Variants in BICD1 observed in about 807,000 individuals in gnomAD.
The protein encoded by BICD1 is BICD cargo adaptor 1.
Under a neutral mutation model 92.5 loss-of-function variants are expected in BICD1, and 35 were observed. That is an observed-to-expected ratio of 0.38 (90% CI 0.29 to 0.50). The LOEUF is 0.50. BICD1 is among the 20% of genes least tolerant of loss of function. The pLI, the probability that BICD1 is intolerant of heterozygous loss-of-function variation, is 0.93. For missense variants in BICD1, 950 were observed against 1,189.8 expected, an observed-to-expected ratio of 0.80 and a Z score of 2.97; for synonymous variants, 429 against 465.1, an observed-to-expected ratio of 0.92 and a Z score of 1.00.
intron 2 of BICD1, among the ~76,000 whole-genome samples, chr12:32,285,827 A>G (rs1181261272): frequency 6.6e-6 from 1 of 152,188 alleles, no homozygotes; most frequent in Non-Finnish European, 1.5e-5. Flanking sequence ...GCTCAGCGCC[A>G]TCTTATCCCA....
intron 1 of BICD1, among the ~76,000 whole-genome samples, chr12:32,174,695 G>A (rs1047735986): frequency 6.6e-6 from 1 of 152,112 alleles, no homozygotes; most frequent in East Asian, 1.9e-4. Context: ...ATCACAACCT[G>A]TGAAAGCATT....
chr12:32,290,641 A>T (rs1565645635), intron 2 of BICD1, among the ~76,000 whole-genome samples: 1 of 152,132 alleles, frequency 6.6e-6, no homozygotes, highest in Non-Finnish European at 1.5e-5. Flanking sequence ...ATATCTAATT[A>T]CCCTTGATAT....
intron 1 of BICD1, among the ~76,000 whole-genome samples, chr12:32,111,133 A>G (rs1248871571): frequency 6.6e-6 from 1 of 152,206 alleles, no homozygotes. Context: ...CAGCTTTAGA[A>G]AAGTTTTGCA....
chr12:32,218,316 C>T (rs1945417111), intron 2 of BICD1, among the ~76,000 whole-genome samples: 1 of 152,178 alleles, frequency 6.6e-6, no homozygotes, highest in Non-Finnish European at 1.5e-5. Context: ...GATCAGTTCT[C>T]AAACTTGAAG....
chr12:32,271,287 G>A (rs1947134571), intron 2 of BICD1, among the ~76,000 whole-genome samples: 1 of 152,094 alleles, frequency 6.6e-6, no homozygotes, highest in Non-Finnish European at 1.5e-5. Flanking sequence ...CCCCAGTTTG[G>A]AGGCCCCCAA....
chr12:32,284,697 A>G (rs814243), intron 2 of BICD1, among the ~76,000 whole-genome samples: 102,401 of 152,002 alleles, frequency 0.67, 34,707 homozygotes, highest in Middle Eastern at 0.78. Context: ...GGTTCCCCAG[A>G]TTGCTTTGTT....
intron 2 of BICD1, among the ~76,000 whole-genome samples, chr12:32,254,342 C>T (rs1483641054): frequency 6.6e-6 from 1 of 152,160 alleles, no homozygotes; most frequent in African/African-American, 2.4e-5. Flanking sequence ...GCCATAATCA[C>T]TGCCGTATCC....
In BICD1 at chr12:32,149,013, C is replaced by T. The variant is rs609194; in HGVS notation, c.213+41469C>T. ...CCACCCTGGGTGACGAAGTGAGGCT[C>T]TGTCTCCAAAAAAAAAAAAGAGTTC... On this transcript the variant is annotated intron_variant, in intron 1 of 9. Coordinates refer to ENST00000652176, the MANE Select transcript of BICD1 (RefSeq NM_001714.4). 1.1e-4 allele frequency among the ~76,000 whole-genome samples: 5 copies of T among 47,546 alleles called. 1 individual carries two copies. Among genetic ancestry groups the T allele is most frequent in the Admixed American group, 6.0e-4 (2 of 3,342 alleles). The allele number at this position is 47,546 out of a possible 152,430, so 31.2% of individuals were successfully genotyped here.
At chr12:32,367,009 A>G (rs1285906005) in intron 8 of BICD1, among the ~76,000 whole-genome samples, 3 of 152,212 alleles carry the variant, frequency 2.0e-5, no homozygotes, top group Non-Finnish European at 2.9e-5. Context: ...GGTAAAAACA[A>G]TTACAAAGTG....
Position 32,302,946 on chromosome 12 carries a change from T to C in BICD1, c.580-2751T>C, listed in dbSNP as rs557260570. On this transcript the variant is annotated intron_variant, in intron 3 of 9. Transcript: ENST00000652176. ...TAATGTATTTCTTTTTTTTTTTTTTTCCCTCAAGACAGGGCCTCACTCTGC... is the reference window on the plus strand; with the variant it reads ...TAATGTATTTCTTTTTTTTTTTTTTCCCCTCAAGACAGGGCCTCACTCTGC... Among the ~76,000 whole-genome samples, 154 of 149,520 alleles carry C rather than the reference T, an allele frequency of 1.0e-3. 2 individuals carry two copies. The highest frequency in any genetic ancestry group is 1.7e-3 in the Non-Finnish European group (112 of 67,370).
rs1210856300 is a variant in BICD1 at position 32,207,035 on chromosome 12, A to T, written c.214-9212A>T. Among the ~76,000 whole-genome samples, 4 of 152,366 alleles carry T rather than the reference A, an allele frequency of 2.6e-5. 1 individual carries two copies. Among genetic ancestry groups the T allele is most frequent in the East Asian group, 1.9e-4 (1 of 5,194 alleles). On this transcript the variant is annotated intron_variant, in intron 1 of 9. Transcript: ENST00000652176. ...ATGGTAAACTATAAAGAAAATGGTG[A>T]TACAAAATGCAGGATAGTGTTTACT... is the stretch of plus-strand genomic sequence containing the variant.
At chr12:32,183,098 GC>G (rs1212858182) in intron 1 of BICD1, among the ~76,000 whole-genome samples, 1 of 151,224 alleles carries the variant, frequency 6.6e-6, no homozygotes, top group African/African-American at 2.4e-5. Flanking sequence ...ACGGAGTCTT[GC>G]TTTGTTGCCC....
intron 2 of BICD1, among the ~76,000 whole-genome samples, chr12:32,220,126 A>G (rs1430221277): frequency 2.0e-5 from 3 of 152,238 alleles, no homozygotes; most frequent in African/African-American, 7.2e-5. Flanking sequence ...GTTAGACCTA[A>G]AACCATAAAA....
At chr12:32,136,768 C>T (rs895309731) in intron 1 of BICD1, among the ~76,000 whole-genome samples, 3 of 152,048 alleles carry the variant, frequency 2.0e-5, no homozygotes, top group Admixed American at 2.0e-4. Context: ...GAGTGAGTTT[C>T]GAGAGTAGGG....
At chr12:32,296,469 G>T (rs1419238063) in intron 3 of BICD1, among the ~76,000 whole-genome samples, 1 of 151,752 alleles carries the variant, frequency 6.6e-6, no homozygotes, top group Non-Finnish European at 1.5e-5. Flanking sequence ...GTGTTAGCCA[G>T]GATGGTCTCG....
intron 2 of BICD1, among the ~76,000 whole-genome samples, chr12:32,251,989 A>AATATATTTATAATACATATTTATAAT: frequency 9.6e-6 from 1 of 104,278 alleles, no homozygotes; most frequent in Non-Finnish European, 1.7e-5. Flanking sequence ...CTATATATAT[A>AATATATTTATAATACATATTTATAAT]ATATATTTAT....
chr12:32,129,443 T>G, intron 1 of BICD1, among the ~76,000 whole-genome samples: 1 of 146,090 alleles, frequency 6.8e-6, no homozygotes, highest in East Asian at 2.0e-4. Context: ...GACAATTGCT[T>G]GAACCCAGGA....
chr12:32,359,223 G>A (rs1316594225), intron 8 of BICD1, among the ~76,000 whole-genome samples: 1 of 152,112 alleles, frequency 6.6e-6, no homozygotes, highest in Non-Finnish European at 1.5e-5. Context: ...AATGAATATT[G>A]ACTGTTTACT....
At chr12:32,355,700 G>A (rs1261993501) in intron 8 of BICD1, among the ~76,000 whole-genome samples, 1 of 152,028 alleles carries the variant, frequency 6.6e-6, no homozygotes, top group Non-Finnish European at 1.5e-5. Context: ...TACTCGGGAG[G>A]CTGAGGCATA....
Sources: allele counts gnomAD v4.1 joint callset (sites outside exome capture counted in the v4.1 genomes callset), GRCh38; gene constraint gnomAD v4.1.1; transcripts MANE v1.5; gene names NCBI Gene and HGNC (gene_info 2026-07-23, HGNC 2026-07-21).